The following CECR2 variants were observed in gnomAD, a reference collection of about 807,000 sequenced individuals.
The protein encoded by CECR2 is CECR2 histone acetyl-lysine reader, also known as chromatin remodeling regulator CECR2.
CECR2 carries 30 observed loss-of-function variants against 154.5 expected under a neutral mutation model. The observed-to-expected ratio is 0.19, with a 90% confidence interval of 0.15 to 0.26. The LOEUF is 0.26. CECR2 is among the 10% of genes least tolerant of loss of function. The pLI, the probability that CECR2 is intolerant of heterozygous loss-of-function variation, is 1.00. For synonymous variants in CECR2, 725 were observed against 683.7 expected (o/e 1.06, Z -0.94); for missense variants, 1,743 against 1,829.3 (o/e 0.95, Z 0.86).
chr22:17,465,507 CAG>C (rs1209052585), intron 1 of CECR2, among the ~76,000 whole-genome samples: 1 of 151,334 alleles, frequency 6.6e-6, no homozygotes, highest in African/African-American at 2.4e-5. Context: ...TTTTTTGAGA[CAG>C]AGTCTTGCTC....
rs550960632 is a variant in CECR2 at position 17,518,163 on chromosome 22, G to C, written c.955-5955G>C. ...TTTCTACCAGGTAGAAGTTTTTCCA[G>C]CAAAGAGAGTTTATTAGGAGAGAGA... is the stretch of plus-strand genomic sequence containing the variant. On this transcript the variant is annotated intron_variant, in intron 8 of 18. Transcript: ENST00000262608. Among the ~76,000 whole-genome samples the C allele has an allele frequency of 8.7e-4, 132 of 152,278 alleles. 1 individual carries two copies. The highest frequency in any genetic ancestry group is 2.8e-3 in the African/African-American group (117 of 41,554).
rs182759467 is a variant in CECR2, at chr22:17,554,245, A to G, written c.*1405A>G. ...TGTTTTAAACTTTTGAATATTCCAC[A>G]AAAGAAAAAACTAAGGAAAATACTG... On this transcript the variant is annotated 3_prime_UTR_variant, in exon 19 of 19. Coordinates refer to ENST00000262608, the MANE Select transcript of CECR2 (RefSeq NM_001290047.2). 1.7e-3 allele frequency: 252 copies of G among 152,384 alleles called. No homozygotes were observed. Among genetic ancestry groups the G allele is most frequent in the African/African-American group, 5.4e-3 (226 of 41,598 alleles). The allele number at this position is 152,384 out of a possible 1,614,324, so 9.4% of individuals were successfully genotyped here.
chr22:17,388,822 A>AT (rs969668711), intron 1 of CECR2, among the ~76,000 whole-genome samples: 44 of 150,614 alleles, frequency 2.9e-4, no homozygotes, highest in Non-Finnish European at 4.6e-4. Context: ...TTATTTTAGT[A>AT]TTTTTTTTTG....
chr22:17,480,419 TACACACACACACAC>T (rs55977287), intron 2 of CECR2, among the ~76,000 whole-genome samples: 24 of 137,422 alleles, frequency 1.7e-4, no homozygotes, highest in South Asian at 1.3e-3. Flanking sequence ...TCATGTATAA[TACACACACACACAC>T]ACACACACAC....
intron 1 of CECR2, among the ~76,000 whole-genome samples, chr22:17,466,871 C>T (rs888490753): frequency 2.0e-5 from 3 of 152,172 alleles, no homozygotes; most frequent in East Asian, 1.9e-4. Context: ...GAATTACAGG[C>T]GTGAGCCACT....
chr22:17,428,087 G>A (rs965111414), intron 1 of CECR2, among the ~76,000 whole-genome samples: 1 of 152,182 alleles, frequency 6.6e-6, no homozygotes, highest in Non-Finnish European at 1.5e-5. Flanking sequence ...GTGATGAAGA[G>A]CATGTTTTCA....
chr22:17,384,133 T>C (rs1316773811), intron 1 of CECR2, among the ~76,000 whole-genome samples: 1 of 152,232 alleles, frequency 6.6e-6, no homozygotes, highest in African/African-American at 2.4e-5. Context: ...CCATGAATTA[T>C]GAATGTTCTT....
chr22:17,364,763 G>T (rs930931171), upstream of CECR2, among the ~76,000 whole-genome samples: 5 of 151,984 alleles, frequency 3.3e-5, no homozygotes, highest in African/African-American at 1.2e-4. Context: ...GAAGGCAGAG[G>T]TTGCAGTGAG....
At chr22:17,541,356 A>C (rs950477845) in intron 14 of CECR2, among the ~76,000 whole-genome samples, 1 of 152,162 alleles carries the variant, frequency 6.6e-6, no homozygotes, top group Non-Finnish European at 1.5e-5. Context: ...GAGGCAAAAG[A>C]ATTGCTTGAA....
At chr22:17,414,182 C>T (rs566392766) in intron 1 of CECR2, among the ~76,000 whole-genome samples, 127 of 151,860 alleles carry the variant, frequency 8.4e-4, no homozygotes, top group Non-Finnish European at 1.5e-3. Flanking sequence ...CTGTGTTAGC[C>T]AGGATGGTCT....
At chr22:17,543,753 T>C (rs1346341776) in intron 16 of CECR2, among the ~76,000 whole-genome samples, 2 of 152,050 alleles carry the variant, frequency 1.3e-5, no homozygotes, top group Non-Finnish European at 2.9e-5. Flanking sequence ...ACAGACAAGG[T>C]TTCACCGTGT....
chr22:17,536,637 G>A (rs893596516), intron 9 of CECR2, among the ~76,000 whole-genome samples: 3 of 152,190 alleles, frequency 2.0e-5, no homozygotes, highest in African/African-American at 7.2e-5. Context: ...GAGCTGGGAC[G>A]TGCGTTTAAA....
chr22:17,414,999 A>G (rs2054135423), intron 1 of CECR2, among the ~76,000 whole-genome samples: 1 of 152,160 alleles, frequency 6.6e-6, no homozygotes, highest in Non-Finnish European at 1.5e-5. Flanking sequence ...AATATATGAT[A>G]TACATGTTTA....
At chr22:17,368,897 C>T (rs1260272099), upstream of CECR2, among the ~76,000 whole-genome samples, 1 of 152,144 alleles carries the variant, frequency 6.6e-6, no homozygotes, top group African/African-American at 2.4e-5. Context: ...AGCCCCACCG[C>T]CTTCTTCCCT....
intron 1 of CECR2, among the ~76,000 whole-genome samples, chr22:17,374,270 A>G (rs1332239077): frequency 3.3e-5 from 5 of 152,140 alleles, no homozygotes; most frequent in Non-Finnish European, 7.3e-5. Flanking sequence ...AAGATCTCTT[A>G]CCTAATCAGC....
chr22:17,488,208 A>C (rs142635000), intron 2 of CECR2, among the ~76,000 whole-genome samples: 70 of 152,286 alleles, frequency 4.6e-4, no homozygotes, highest in African/African-American at 1.6e-3. Flanking sequence ...TTATGGATCT[A>C]GCATTGCGTA....
intron 17 of CECR2, among the ~76,000 whole-genome samples, chr22:17,550,634 G>A (rs895216567): frequency 1.3e-5 from 2 of 152,104 alleles, no homozygotes; most frequent in Middle Eastern, 3.2e-3. Flanking sequence ...TTTTCAAATC[G>A]ATAGATACAA....
intron 1 of CECR2, among the ~76,000 whole-genome samples, chr22:17,415,936 T>G (rs924621222): frequency 2.0e-5 from 3 of 152,222 alleles, no homozygotes; most frequent in African/African-American, 7.2e-5. Flanking sequence ...CACTGGAGAT[T>G]TGAGGGCTCA....
At chr22:17,389,564 G>A (rs1253811194) in intron 1 of CECR2, among the ~76,000 whole-genome samples, 1 of 152,072 alleles carries the variant, frequency 6.6e-6, no homozygotes, top group Non-Finnish European at 1.5e-5. Context: ...TTCTGACTCA[G>A]CCTCCCAAGT....
Sources: allele counts gnomAD v4.1 joint callset (sites outside exome capture counted in the v4.1 genomes callset), GRCh38; gene constraint gnomAD v4.1.1; transcripts MANE v1.5; gene names NCBI Gene and HGNC (gene_info 2026-07-23, HGNC 2026-07-21).